The following METTL25 variants were observed in gnomAD, a reference collection of about 807,000 sequenced individuals.
METTL25 encodes methyltransferase like 25.
In METTL25, 64 loss-of-function variants were observed where a neutral mutation model predicts 71.6. The ratio of observed to expected loss-of-function variants is 0.89; its 90% CI spans 0.73 to 1.10. The LOEUF (loss-of-function observed/expected upper bound fraction) is 1.10. Ranked by LOEUF, METTL25 falls within the 50% of genes least tolerant of loss-of-function variation. The pLI is 0.00. For synonymous variants in METTL25, 287 were observed against 250.3 expected, an observed-to-expected ratio of 1.15 and a Z score of -1.38; for missense variants, 807 against 707.0, an observed-to-expected ratio of 1.14 and a Z score of -1.60.
intron 3 of METTL25, 94 bp from the exon 4 acceptor site, chr12:82,398,701 T>A: frequency 2.7e-6 from 2 of 732,718 alleles, no homozygotes; most frequent in Non-Finnish European, 3.9e-6. Context: ...ATATTTAAGT[T>A]ATATAACTCA....
intron 5 of METTL25, among the ~76,000 whole-genome samples, chr12:82,425,675 A>T (rs1888954361): frequency 6.6e-6 from 1 of 152,112 alleles, no homozygotes; most frequent in Admixed American, 6.6e-5. Context: ...GGGCAAAAAG[A>T]CCAAAACAAA....
chr12:82,434,061 G>A (rs1889732291), intron 6 of METTL25, among the ~76,000 whole-genome samples: 1 of 150,546 alleles, frequency 6.6e-6, no homozygotes, highest in East Asian at 2.0e-4. Flanking sequence ...AAAATATTTT[G>A]GATTTTAAAT....
intron 6 of METTL25, among the ~76,000 whole-genome samples, chr12:82,431,948 G>A (rs1355050433): frequency 6.6e-6 from 1 of 151,564 alleles, no homozygotes; most frequent in African/African-American, 2.4e-5. Flanking sequence ...GTGAAAAATA[G>A]AATGGTTGTA....
intron 5 of METTL25, among the ~76,000 whole-genome samples, chr12:82,430,110 C>T (rs960300513): frequency 6.7e-6 from 1 of 149,756 alleles, no homozygotes; most frequent in Non-Finnish European, 1.5e-5. Context: ...ATGTTTATCT[C>T]GACTTTTTTT....
At chr12:82,471,502 C>T (rs1892566845) in intron 9 of METTL25, among the ~76,000 whole-genome samples, 1 of 152,194 alleles carries the variant, frequency 6.6e-6, no homozygotes, top group Non-Finnish European at 1.5e-5. Flanking sequence ...TGACTAGTAG[C>T]ATTCTGTGAA....
At position 82,463,131 on chromosome 12, in the gene METTL25, C is replaced by G. The variant is rs143097403; in HGVS notation, c.1572+6311C>G. 3.1e-3 allele frequency among the ~76,000 whole-genome samples: 470 copies of G among 152,066 alleles called. 6 individuals carry two copies. The highest frequency in any genetic ancestry group is 0.024 in the Admixed American group (370 of 15,270). On this transcript the variant is annotated intron_variant, in intron 9 of 11. Coordinates refer to ENST00000248306, the MANE Select transcript of METTL25 (RefSeq NM_032230.3). ...AAACTATATAGTATATTATTGTTAA[C>G]TATAGTCATCCTGCAATGCTATAGA...
intron 7 of METTL25, among the ~76,000 whole-genome samples, chr12:82,437,158 AGT>A (rs1422859915): frequency 6.6e-6 from 1 of 151,658 alleles, no homozygotes; most frequent in Admixed American, 6.6e-5. Flanking sequence ...TTTTAAGGAA[AGT>A]TAAGTTTTGA....
rs767746736 is a variant in METTL25 at position 82,430,930 on chromosome 12, C to T, written c.1317C>T (p.His439=). The stretch of plus-strand genomic sequence containing the variant: ...AAAAGTGGGGATTTCCAATGTGCCA[C>T]TATTTAAAGGAAGAGAGATGGTGCT... ...TQEKWGFPMC[H]YLKEERWCCG... is the part of the protein sequence containing the mutation. The change falls in exon 6 of 12, where the codon CAC becomes CAT. Residue 439 remains histidine, a synonymous_variant. Transcript: ENST00000248306. 4 of 1,601,486 alleles carry T rather than the reference C, an allele frequency of 2.5e-6. No individual in the cohort carries two copies. The highest frequency in any genetic ancestry group is 3.4e-6 in the Non-Finnish European group (4 of 1,172,516).
At chr12:82,407,651 G>A (rs1205618139) in intron 5 of METTL25, among the ~76,000 whole-genome samples, 2 of 152,048 alleles carry the variant, frequency 1.3e-5, no homozygotes, top group Non-Finnish European at 2.9e-5. Context: ...ATAAGCAGGA[G>A]GAAACAGGAC....
At chr12:82,452,196 A>T (rs1891196613) in intron 8 of METTL25, among the ~76,000 whole-genome samples, 1 of 152,230 alleles carries the variant, frequency 6.6e-6, no homozygotes, top group Admixed American at 6.5e-5. Context: ...TTTCTTTTAT[A>T]GCGCGTTCTC....
At chr12:82,477,403 A>T in intron 11 of METTL25, 51 bp downstream of exon 11, 1 of 920,684 alleles carries the variant, frequency 1.1e-6, no homozygotes, top group Non-Finnish European at 1.6e-6. Context: ...TAAATACAGT[A>T]ATATAGAGCC....
In METTL25 at chr12:82,399,050, A is replaced by G. The variant is rs1699469894; in HGVS notation, c.787A>G (p.Asn263Asp). Residue 263 changes from asparagine to aspartate, a missense_variant, in exon 4 of 12, where the codon AAC becomes GAC. Transcript: ENST00000248306. The stretch of plus-strand genomic sequence containing the variant: ...TAAAGCTGATACTGAGGAAGTGTTT[A>G]ACAACAGTCCTACAAATCAAGAAAA... Reference protein sequence around the residue: ...KNKADTEEVFNNSPTNQEKMP... With the variant: ...KNKADTEEVFDNSPTNQEKMP... The G allele has an allele frequency of 6.2e-7, 1 of 1,612,890 alleles. No individual in the cohort carries two copies. Among genetic ancestry groups the G allele is most frequent in the Non-Finnish European group, 8.5e-7 (1 of 1,179,318 alleles).
intron 1 of METTL25, among the ~76,000 whole-genome samples, chr12:82,377,960 C>A (rs1004466418): frequency 1.3e-5 from 2 of 152,188 alleles, no homozygotes; most frequent in Admixed American, 6.5e-5. Flanking sequence ...ATTAGTATTA[C>A]AATTGTTTGA....
chr12:82,358,767 G>C lies in METTL25; in HGVS notation c.202G>C (p.Glu68Gln), dbSNP rs760483308. The change falls in exon 1 of 12, where the codon GAG becomes CAG. Residue 68 changes from glutamate (E) to glutamine (Q), a missense_variant. By Grantham distance (29) the Glu-to-Gln change is conservative. Transcript: ENST00000248306. ...GGCTGCGCTGAGGAAGTCAGCGTCG[G>C]AGACGGAGGCCCTGCCCTCAGAGAC... Reference protein sequence around the residue: ...VLAALRKSASETEALPSETRP... With the variant: ...VLAALRKSASQTEALPSETRP... The C allele has an allele frequency of 5.6e-6, 9 of 1,613,976 alleles. No homozygotes were observed. The highest frequency in any genetic ancestry group is 7.6e-6 in the Non-Finnish European group (9 of 1,179,982).
intron 5 of METTL25, among the ~76,000 whole-genome samples, chr12:82,424,825 TGTGAAGACAG>T: frequency 6.6e-6 from 1 of 151,986 alleles, no homozygotes; most frequent in Admixed American, 6.6e-5. Context: ...AAAACTGCCA[TGTGAAGACAG>T]GTAGAAAATG....
At chr12:82,361,266 G>A (rs1210279143) in intron 1 of METTL25, among the ~76,000 whole-genome samples, 1 of 152,142 alleles carries the variant, frequency 6.6e-6, no homozygotes, top group Non-Finnish European at 1.5e-5. Context: ...GCTAGACACA[G>A]GGTGCTGATT....
chr12:82,445,265 C>T (rs1349494606), intron 8 of METTL25, among the ~76,000 whole-genome samples: 1 of 151,746 alleles, frequency 6.6e-6, no homozygotes, highest in African/African-American at 2.4e-5. Flanking sequence ...CATTTACTAC[C>T]ATAAAATATA....
At chr12:82,421,723 C>T (rs772673776) in intron 5 of METTL25, among the ~76,000 whole-genome samples, 2 of 152,028 alleles carry the variant, frequency 1.3e-5, no homozygotes, top group Non-Finnish European at 2.9e-5. Context: ...TTATCACCAC[C>T]GATCCCACAG....
chr12:82,386,900 CTT>C lies in METTL25; in HGVS notation c.358_359del (p.Leu120GlyfsTer7). The C allele has an allele frequency of 6.2e-7, 1 of 1,613,416 alleles. No individual in the cohort carries two copies. The highest frequency in any genetic ancestry group is 1.7e-4 in the Middle Eastern group (1 of 6,048). On this transcript the variant is annotated frameshift_variant, in exon 2 of 12. Coordinates refer to ENST00000248306, the MANE Select transcript of METTL25 (RefSeq NM_032230.3). LOFTEE classifies it high-confidence loss of function. Reference sequence around the variant, plus strand: ...CTGCGAAATACTATTCTGTACAAAACTTGGGAATATGTACTCCTTTTGAACAG... The same window carrying C: ...CTGCGAAATACTATTCTGTACAAAACGGGAATATGTACTCCTTTTGAACAG... The part of the protein sequence containing the change: ...LAAKYYSVQN[L>X]GICTPFEQLL...
Sources: allele counts gnomAD v4.1 joint callset (sites outside exome capture counted in the v4.1 genomes callset), GRCh38; gene constraint gnomAD v4.1.1; transcripts MANE v1.5; gene names NCBI Gene and HGNC (gene_info 2026-07-23, HGNC 2026-07-21).